The following COBL variants were observed in gnomAD, a reference collection of about 807,000 sequenced individuals.
The protein encoded by COBL is protein cordon-bleu.
A neutral mutation model predicts 98.8 loss-of-function variants in COBL; 51 were observed. That is an observed-to-expected ratio of 0.52 (90% confidence interval 0.41 to 0.65). The LOEUF (loss-of-function observed/expected upper bound fraction) is 0.65. Ranked by LOEUF, COBL falls within the 30% of genes least tolerant of loss-of-function variation. The pLI is 0.00. For synonymous variants in COBL, 634 were observed against 651.7 expected (o/e 0.97, Z 0.41); for missense variants, 1,617 against 1,617.5 (o/e 1.00, Z 0.01).
intron 6 of COBL, among the ~76,000 whole-genome samples, chr7:51,126,530 G>A (rs1798221182): frequency 6.6e-6 from 1 of 152,100 alleles, no homozygotes; most frequent in Non-Finnish European, 1.5e-5. Flanking sequence ...ATTTATCAGG[G>A]CACCCTCATT....
Position 51,018,905 on chromosome 7 carries a change from AATATATATATATATATATATATAT to A in COBL, c.3769-1361_3769-1338del, listed in dbSNP as rs71018490. On this transcript the variant is annotated intron_variant, in intron 12 of 12. Transcript: ENST00000265136. ...AAACTCCATCTCAAAAAAAAAAAAA[AATATATATATATATATATATATAT>A]ATATATATATATATATATATATATG... 4.6e-4 allele frequency among the ~76,000 whole-genome samples: 16 copies of A among 34,438 alleles called. 3 individuals are homozygous for A. Among genetic ancestry groups the A allele is most frequent in the Admixed American group, 3.4e-3 (10 of 2,956 alleles). 22.6% of individuals were successfully genotyped at this position (34,438 alleles called of 152,430 possible). A position where few individuals can be genotyped will look rare whatever the true frequency, so the allele number is the denominator to read the frequency against.
intron 1 of COBL, among the ~76,000 whole-genome samples, chr7:51,293,044 T>A (rs1801062370): frequency 6.6e-6 from 1 of 152,232 alleles, no homozygotes; most frequent in South Asian, 2.1e-4. Context: ...ACTAGAATGG[T>A]GAAAATTAAA....
intron 7 of COBL, among the ~76,000 whole-genome samples, chr7:51,052,374 T>C (rs577654330): frequency 3.2e-4 from 48 of 152,352 alleles, no homozygotes; most frequent in African/African-American, 1.1e-3. Context: ...TTTAGACTTT[T>C]CTAAGCCAAA....
intron 7 of COBL, among the ~76,000 whole-genome samples, chr7:51,065,663 C>G (rs1791849839): frequency 6.6e-6 from 1 of 152,240 alleles, no homozygotes; most frequent in East Asian, 1.9e-4. Context: ...CTGGGTACAA[C>G]AGAAGCTCTC....
At chr7:51,264,544 A>ATG (rs1397830728) in intron 1 of COBL, among the ~76,000 whole-genome samples, 1 of 151,452 alleles carries the variant, frequency 6.6e-6, no homozygotes, top group Non-Finnish European at 1.5e-5. Context: ...GGTGGTGCAC[A>ATG]CCTGTAATCC....
At chr7:51,088,845 C>G (rs1358481213) in intron 6 of COBL, among the ~76,000 whole-genome samples, 1 of 152,212 alleles carries the variant, frequency 6.6e-6, no homozygotes, top group African/African-American at 2.4e-5. Flanking sequence ...CTGAGGGAAA[C>G]TAGGCCTTCC....
At chr7:51,156,689 A>G in intron 5 of COBL, 1 of 431,236 alleles carries the variant, frequency 2.3e-6, no homozygotes, top group Non-Finnish European at 3.0e-6. Context: ...GTCAATAAAA[A>G]ACCACCCTTC....
intron 12 of COBL, 79 bp from the exon 13 acceptor site, chr7:51,017,647 G>A (rs2128853480): frequency 2.1e-6 from 3 of 1,429,280 alleles, no homozygotes; most frequent in Admixed American, 1.7e-5. Flanking sequence ...AGAGAGCTCT[G>A]TGCACAGCCA....
At chr7:51,085,099 T>A (rs756022358) in intron 7 of COBL, 67 bp downstream of exon 7, 3 of 1,609,458 alleles carry the variant, frequency 1.9e-6, no homozygotes, top group South Asian at 1.1e-5. Flanking sequence ...GGAGTTCACA[T>A]CAGAGCTGAC....
Position 51,026,581 on chromosome 7 carries a change from T to C in COBL, c.3469A>G (p.Ile1157Val), listed in dbSNP as rs748623896. ...CTGCAGGTGCCGCTGTGCCCGCGGA[T>C]AGCTGCCAGCAGTGCAGATCGTTCG... The part of the protein sequence containing the change: ...EGERSALLAA[I>V]RGHSGTCSLR... Residue 1157 changes from isoleucine to valine, a missense_variant, in exon 11 of 13, where the codon ATC becomes GTC. Physicochemically the swap from Ile to Val is conservative, Grantham distance 29. Around this residue, in one of 3 missense-constraint regions of COBL, gnomAD observed 1,304 missense variants for 1,282.0 expected, o/e 1.02. Coordinates refer to ENST00000265136, the MANE Select transcript of COBL (RefSeq NM_015198.5). 6.2e-7 allele frequency: 1 copy of C among 1,614,190 alleles called. No homozygotes were observed. Among genetic ancestry groups the C allele is most frequent in the South Asian group, 1.1e-5 (1 of 91,088 alleles).
chr7:51,106,462 C>T (rs1394764361), intron 6 of COBL, among the ~76,000 whole-genome samples: 2 of 152,170 alleles, frequency 1.3e-5, no homozygotes, highest in African/African-American at 2.4e-5. Context: ...AGTGACATGT[C>T]GCCATTTCAA....
chr7:51,077,849 T>A (rs1793240933), intron 7 of COBL, among the ~76,000 whole-genome samples: 1 of 152,170 alleles, frequency 6.6e-6, no homozygotes, highest in African/African-American at 2.4e-5. Flanking sequence ...AAATCGTCCC[T>A]CAAGGAGGAT....
At chr7:51,102,684 TATA>T (rs1795909641) in intron 6 of COBL, among the ~76,000 whole-genome samples, 1 of 152,200 alleles carries the variant, frequency 6.6e-6, no homozygotes, top group Non-Finnish European at 1.5e-5. Flanking sequence ...CCTTGGTCTG[TATA>T]ATAAGAAAAT....
chr7:51,296,950 T>C (rs767005775), intron 1 of COBL, among the ~76,000 whole-genome samples: 23 of 152,314 alleles, frequency 1.5e-4, no homozygotes, highest in Non-Finnish European at 2.8e-4. Context: ...ATTTAAGGAA[T>C]TGATGGCTGG....
chr7:51,260,191 T>G, intron 1 of COBL: 2 of 788,744 alleles, frequency 2.5e-6, no homozygotes, highest in East Asian at 2.4e-5. Flanking sequence ...TAGCTACTGA[T>G]CATGCGTAAC....
chr7:51,259,922 C>T, intron 1 of COBL: 1 of 755,418 alleles, frequency 1.3e-6, no homozygotes, highest in Non-Finnish European at 2.4e-6. Context: ...GGAATGTTAT[C>T]TGGCAATTCC....
intron 5 of COBL, among the ~76,000 whole-genome samples, chr7:51,180,603 A>G (rs967538245): frequency 2.0e-5 from 3 of 152,358 alleles, no homozygotes; most frequent in South Asian, 4.1e-4. Flanking sequence ...TAATTTTACA[A>G]ATAAACTGGT....
intron 7 of COBL, among the ~76,000 whole-genome samples, chr7:51,050,179 C>G (rs1283938671): frequency 6.6e-6 from 1 of 152,156 alleles, no homozygotes; most frequent in Non-Finnish European, 1.5e-5. Context: ...TAATGAAGGA[C>G]TGAAAAACAT....
At chr7:51,130,745 T>C (rs1487950302) in intron 6 of COBL, among the ~76,000 whole-genome samples, 1 of 152,222 alleles carries the variant, frequency 6.6e-6, no homozygotes, top group Non-Finnish European at 1.5e-5. Context: ...CAGTTCTTGA[T>C]GAAACGTGTC....
Sources: allele counts gnomAD v4.1 joint callset (sites outside exome capture counted in the v4.1 genomes callset), GRCh38; gene constraint gnomAD v4.1.1; regional missense constraint gnomAD v4.1.1; transcripts MANE v1.5; gene names NCBI Gene and HGNC (gene_info 2026-07-23, HGNC 2026-07-21).